Variants in IFNG-AS1 observed in about 807,000 individuals in gnomAD.
The protein encoded by IFNG-AS1 is IFNG regulatory antisense RNA 1.
At chr12:68,016,771 A>G (rs189531025) in intron 3 of IFNG-AS1, among the ~76,000 whole-genome samples, 33 of 152,300 alleles carry the variant, frequency 2.2e-4, no homozygotes, top group African/African-American at 6.7e-4. Context: ...CTGAGCAAAT[A>G]TGACCTCCTT....
At chr12:67,992,043 C>CCA (rs1565685613) in intron 1 of IFNG-AS1, among the ~76,000 whole-genome samples, 1 of 151,946 alleles carries the variant, frequency 6.6e-6, no homozygotes, top group Non-Finnish European at 1.5e-5. Flanking sequence ...CAATTCTCTT[C>CCA]CTCTCTCTCT....
At chr12:67,994,017 G>A (rs1418170549) in intron 1 of IFNG-AS1, among the ~76,000 whole-genome samples, 1 of 152,168 alleles carries the variant, frequency 6.6e-6, no homozygotes, top group East Asian at 1.9e-4. Flanking sequence ...AAGGTTGATG[G>A]TTAGTACCAT....
intron 2 of IFNG-AS1, among the ~76,000 whole-genome samples, chr12:68,004,268 G>C (rs189124057): frequency 1.3e-5 from 2 of 152,280 alleles, no homozygotes; most frequent in African/African-American, 4.8e-5. Context: ...CAGTACTAAA[G>C]TCTCTTGTCT....
At chr12:67,999,725 TA>T (rs541232681) in intron 2 of IFNG-AS1, among the ~76,000 whole-genome samples, 1 of 151,926 alleles carries the variant, frequency 6.6e-6, no homozygotes, top group South Asian at 2.1e-4. Context: ...ATTATTAAAG[TA>T]AAAAAAATCA....
chr12:68,012,203 C>A (rs183701662), intron 3 of IFNG-AS1, among the ~76,000 whole-genome samples: 1 of 152,208 alleles, frequency 6.6e-6, no homozygotes, highest in East Asian at 1.9e-4. Context: ...ACTCTTCATG[C>A]CAAGTTGCTT....
At chr12:68,004,977 A>C (rs984617288) in intron 2 of IFNG-AS1, among the ~76,000 whole-genome samples, 6 of 152,124 alleles carry the variant, frequency 3.9e-5, no homozygotes, top group African/African-American at 1.4e-4. Context: ...CCTCTTTTTT[A>C]TATCCTCTAC....
chr12:67,998,668 G>A (rs1879697953), intron 2 of IFNG-AS1, among the ~76,000 whole-genome samples: 1 of 151,896 alleles, frequency 6.6e-6, no homozygotes, highest in Admixed American at 6.6e-5. Context: ...CAGGGTGAAG[G>A]GAGAACCCAA....
chr12:68,005,723 T>C (rs1879891207), intron 2 of IFNG-AS1, among the ~76,000 whole-genome samples: 1 of 151,996 alleles, frequency 6.6e-6, no homozygotes, highest in Non-Finnish European at 1.5e-5. Context: ...GGGAGGCAGA[T>C]ACTAAGCAAT....
At chr12:68,004,291 C>T (rs1167066480) in intron 2 of IFNG-AS1, among the ~76,000 whole-genome samples, 2 of 152,152 alleles carry the variant, frequency 1.3e-5, no homozygotes, top group Non-Finnish European at 2.9e-5. Flanking sequence ...TAAATGGGCT[C>T]CCCCATGATG....
chr12:68,008,131 A>T (rs942418999), intron 3 of IFNG-AS1, among the ~76,000 whole-genome samples: 1 of 152,128 alleles, frequency 6.6e-6, no homozygotes, highest in Non-Finnish European at 1.5e-5. Context: ...AAAATTAGAG[A>T]TACAGCCAGG....
chr12:68,015,794 A>G (rs945552564), intron 3 of IFNG-AS1, among the ~76,000 whole-genome samples: 2 of 152,216 alleles, frequency 1.3e-5, no homozygotes, highest in Admixed American at 1.3e-4. Flanking sequence ...AATTCAATTC[A>G]ACAAGTGTTG....
At chr12:67,993,266 T>C (rs888237006) in intron 1 of IFNG-AS1, among the ~76,000 whole-genome samples, 1 of 152,244 alleles carries the variant, frequency 6.6e-6, no homozygotes, top group Non-Finnish European at 1.5e-5. Flanking sequence ...CATGATGTAC[T>C]TTCTTCTTTC....
intron 3 of IFNG-AS1, among the ~76,000 whole-genome samples, chr12:68,019,479 T>C (rs1352146309): frequency 6.6e-6 from 1 of 152,256 alleles, no homozygotes; most frequent in Non-Finnish European, 1.5e-5. Flanking sequence ...CTTCCCTGAC[T>C]CCCACGTACC....
At chr12:67,991,711 C>T (rs989880721) in intron 1 of IFNG-AS1, among the ~76,000 whole-genome samples, 4 of 152,198 alleles carry the variant, frequency 2.6e-5, no homozygotes, top group South Asian at 4.1e-4. Flanking sequence ...GTCAGTACTT[C>T]GTACTGCAAC....
intron 3 of IFNG-AS1, among the ~76,000 whole-genome samples, chr12:68,017,004 A>G (rs945142905): frequency 2.6e-5 from 4 of 152,280 alleles, no homozygotes; most frequent in South Asian, 2.1e-4. Context: ...TAAGTGTAAC[A>G]AGTTTTGATA....
chr12:68,015,252 T>G (rs1388965728), intron 3 of IFNG-AS1, among the ~76,000 whole-genome samples: 2 of 152,142 alleles, frequency 1.3e-5, no homozygotes, highest in African/African-American at 4.8e-5. Context: ...GTTCACATTC[T>G]AAAAGTAAGG....
chr12:68,016,181 AAG>A (rs1485992051), intron 3 of IFNG-AS1, among the ~76,000 whole-genome samples: 1 of 152,172 alleles, frequency 6.6e-6, no homozygotes, highest in African/African-American at 2.4e-5. Context: ...TGGAGGCTCC[AAG>A]GCTTAGATCA....
chr12:67,993,335 T>C (rs1879560098), intron 1 of IFNG-AS1, among the ~76,000 whole-genome samples: 1 of 152,194 alleles, frequency 6.6e-6, no homozygotes. Flanking sequence ...CATCAAAATA[T>C]CTAACTCTGT....
intron 4 of IFNG-AS1, chr12:68,020,767 A>C (rs979881049): frequency 5.9e-5 from 9 of 152,138 alleles, no homozygotes; most frequent in African/African-American, 2.2e-4. Context: ...TGTTGTGGAA[A>C]ACTCACCCAT....
Sources: allele counts gnomAD v4.1 joint callset (sites outside exome capture counted in the v4.1 genomes callset), GRCh38; gene constraint gnomAD v4.1.1; transcripts MANE v1.5; gene names NCBI Gene and HGNC (gene_info 2026-07-23, HGNC 2026-07-21).